The following ANKFN1 variants were observed in gnomAD, a reference collection of about 807,000 sequenced individuals.
The protein encoded by ANKFN1 is ankyrin repeat and fibronectin type-III domain-containing protein 1.
ANKFN1 carries 74 observed loss-of-function variants against 108.7 expected under a neutral mutation model. The ratio of observed to expected loss-of-function variants is 0.68; its 90% CI spans 0.56 to 0.83. The LOEUF is 0.83. Among genes scored for constraint, ANKFN1 ranks in the 40% least tolerant of loss-of-function variants. The pLI is 0.00. For synonymous variants in ANKFN1, 547 were observed against 516.2 expected (o/e 1.06, Z -0.81); for missense variants, 1,505 against 1,382.3 (o/e 1.09, Z -1.41).
At chr17:56,288,643 A>G (rs2044280064) in intron 3 of ANKFN1, among the ~76,000 whole-genome samples, 1 of 152,202 alleles carries the variant, frequency 6.6e-6, no homozygotes, top group African/African-American at 2.4e-5. Flanking sequence ...TTACCCTACA[A>G]GAGTCCACAT....
At chr17:56,103,330 A>C (rs1447460523) in intron 4 of ANKFN1, among the ~76,000 whole-genome samples, 2 of 152,266 alleles carry the variant, frequency 1.3e-5, no homozygotes, top group African/African-American at 4.8e-5. Context: ...TGGAAGGCAC[A>C]GATGCCATTA....
At chr17:56,310,273 A>T (rs770689918) in intron 3 of ANKFN1, among the ~76,000 whole-genome samples, 1 of 152,244 alleles carries the variant, frequency 6.6e-6, no homozygotes, top group Non-Finnish European at 1.5e-5. Context: ...CGGATAACTG[A>T]AACCACAGAA....
intron 1 of ANKFN1, among the ~76,000 whole-genome samples, chr17:56,177,755 G>A (rs1183841477): frequency 6.6e-6 from 1 of 152,156 alleles, no homozygotes; most frequent in African/African-American, 2.4e-5. Flanking sequence ...TATTTTAACT[G>A]CCTAAGCTCC....
intron 1 of ANKFN1, among the ~76,000 whole-genome samples, chr17:56,207,907 G>A (rs1027975026): frequency 2.6e-5 from 4 of 152,076 alleles, no homozygotes; most frequent in African/African-American, 4.8e-5. Context: ...TCTTGTCCAC[G>A]TCTAACTCTC....
At chr17:56,068,363 A>T (rs1905084644) in intron 4 of ANKFN1, among the ~76,000 whole-genome samples, 1 of 152,186 alleles carries the variant, frequency 6.6e-6, no homozygotes, top group South Asian at 2.1e-4. Context: ...CTGCTGCTGG[A>T]AGCTGGAAGA....
upstream of ANKFN1, among the ~76,000 whole-genome samples, chr17:56,152,214 G>A (rs1357411216): frequency 6.6e-6 from 1 of 151,392 alleles, no homozygotes; most frequent in Non-Finnish European, 1.5e-5. Flanking sequence ...TGGAAGATGA[G>A]TAATATAAGA....
intron 3 of ANKFN1, among the ~76,000 whole-genome samples, chr17:56,248,801 G>T (rs975639073): frequency 1.3e-5 from 2 of 152,176 alleles, no homozygotes; most frequent in Non-Finnish European, 2.9e-5. Flanking sequence ...GCAGATCCTA[G>T]GGGAAGGATG....
At chr17:56,151,117 C>T (rs1357137046), upstream of ANKFN1, among the ~76,000 whole-genome samples, 1 of 152,118 alleles carries the variant, frequency 6.6e-6, no homozygotes, top group Non-Finnish European at 1.5e-5. Context: ...ACTCAGTGTG[C>T]AGCCACCTCT....
At chr17:56,129,397 T>C (rs527409838) in intron 4 of ANKFN1, among the ~76,000 whole-genome samples, 1 of 152,134 alleles carries the variant, frequency 6.6e-6, no homozygotes, top group Non-Finnish European at 1.5e-5. Flanking sequence ...ATTCAGAAAA[T>C]GGTGTAGTCT....
chr17:56,358,972 G>C (rs2046444474), intron 6 of ANKFN1, among the ~76,000 whole-genome samples: 1 of 152,154 alleles, frequency 6.6e-6, no homozygotes, highest in Non-Finnish European at 1.5e-5. Flanking sequence ...ATCGATGGGA[G>C]TCTTGCCTTT....
At position 56,094,687 on chromosome 17, in the gene ANKFN1, T is replaced by TTTG. The variant is rs1905496205; in HGVS notation, c.288+48364_288+48365insGTT. On this transcript the variant is annotated intron_variant, in intron 4 of 12. Transcript: ENST00000635860. ...CCCAGCTAATTGGGTTTTTTTTTTT[T>TTTG]TTTTTTGTATTTTTAGTAGAGACGG... 2.7e-5 allele frequency among the ~76,000 whole-genome samples: 4 copies of TTTG among 147,558 alleles called. 1 individual carries two copies. Among genetic ancestry groups the TTTG allele is most frequent in the Non-Finnish European group, 6.0e-5 (4 of 66,400 alleles).
At chr17:56,052,966 C>A (rs1035602735) in intron 4 of ANKFN1, among the ~76,000 whole-genome samples, 1 of 152,028 alleles carries the variant, frequency 6.6e-6, no homozygotes, top group African/African-American at 2.4e-5. Context: ...ACCGTCAACT[C>A]ATTTAACATG....
intron 3 of ANKFN1, among the ~76,000 whole-genome samples, chr17:56,267,985 A>G (rs145674438): frequency 1.3e-5 from 2 of 152,270 alleles, no homozygotes; most frequent in Non-Finnish European, 2.9e-5. Flanking sequence ...TTCAGGAAGT[A>G]TGGCTGCTTT....
intron 3 of ANKFN1, among the ~76,000 whole-genome samples, chr17:56,281,625 C>G (rs376938881): frequency 4.9e-4 from 74 of 152,180 alleles, no homozygotes; most frequent in African/African-American, 1.6e-3. Flanking sequence ...ATTCAGAATA[C>G]ATAAAGAACT....
chr17:56,150,655 C>T (rs1908545062), upstream of ANKFN1, among the ~76,000 whole-genome samples: 2 of 152,144 alleles, frequency 1.3e-5, no homozygotes, highest in African/African-American at 4.8e-5. Flanking sequence ...ACATTCTCTT[C>T]CCAAAATGCT....
chr17:56,249,097 T>A (rs541804501), intron 3 of ANKFN1, among the ~76,000 whole-genome samples: 2 of 152,240 alleles, frequency 1.3e-5, no homozygotes, highest in East Asian at 3.9e-4. Context: ...AATTTACCTA[T>A]AGTGAAGATC....
In ANKFN1 at chr17:56,514,004, G is replaced by A. The variant is rs184292768; in HGVS notation, c.*2735G>A. ...TTCACAGTCCTTTATTCATTTGGCC[G>A]ACCTTCTACTTACAGAGACTTTACA... On this transcript the variant is annotated 3_prime_UTR_variant, in exon 21 of 21. Transcript: ENST00000682825. Among the ~76,000 whole-genome samples, 8 of 152,172 alleles carry A rather than the reference G, an allele frequency of 5.3e-5. No homozygotes were observed. In the East Asian group the frequency reaches 1.2e-3, roughly 22 times the overall value.
chr17:56,206,731 C>T (rs1914570224), intron 1 of ANKFN1, among the ~76,000 whole-genome samples: 2 of 151,998 alleles, frequency 1.3e-5, no homozygotes, highest in African/African-American at 4.8e-5. Context: ...TAATACTATC[C>T]CCGTGCTTCC....
chr17:56,193,735 C>G (rs1350231282), intron 1 of ANKFN1, among the ~76,000 whole-genome samples: 1 of 152,076 alleles, frequency 6.6e-6, no homozygotes, highest in Admixed American at 6.6e-5. Context: ...TTTTTAAATG[C>G]AATACCAAAG....
Sources: allele counts gnomAD v4.1 joint callset (sites outside exome capture counted in the v4.1 genomes callset), GRCh38; gene constraint gnomAD v4.1.1; transcripts MANE v1.5; gene names NCBI Gene and HGNC (gene_info 2026-07-23, HGNC 2026-07-21).